The following MOBP variants were observed in gnomAD, a reference collection of about 807,000 sequenced individuals.
MOBP encodes the protein myelin associated oligodendrocyte basic protein.
MOBP carries 5 observed loss-of-function variants against 15.0 expected under a neutral mutation model. That is an observed-to-expected ratio of 0.33 (90% confidence interval 0.17 to 0.70). The LOEUF (loss-of-function observed/expected upper bound fraction) is 0.70. Ranked by LOEUF, MOBP falls within the 30% of genes least tolerant of loss-of-function variation. The pLI is 0.67. For synonymous variants in MOBP, 88 were observed against 99.0 expected (o/e 0.89, Z 0.66); for missense variants, 188 against 257.8 (o/e 0.73, Z 1.85).
At chr3:39,470,311 C>T (rs181715464) in intron 1 of MOBP, among the ~76,000 whole-genome samples, 237 of 152,358 alleles carry the variant, frequency 1.6e-3, no homozygotes, top group Non-Finnish European at 2.2e-3. Flanking sequence ...CTGTTAAAAA[C>T]TGTCCCCTTA....
At chr3:39,468,912 AGT>A (rs771927758) in intron 1 of MOBP, among the ~76,000 whole-genome samples, 3 of 78,082 alleles carry the variant, frequency 3.8e-5, no homozygotes, top group East Asian at 3.4e-4. Context: ...TATACATATG[AGT>A]GTGTATATAT....
chr3:39,513,619 A>T, exon 5 of MOBP: 4 of 610,320 alleles, frequency 6.6e-6, no homozygotes. Flanking sequence ...GAGCAGGGCT[A>T]TCTCTGTGTG....
At chr3:39,472,494 T>C (rs1325879743) in intron 1 of MOBP, among the ~76,000 whole-genome samples, 1 of 152,238 alleles carries the variant, frequency 6.6e-6, no homozygotes, top group African/African-American at 2.4e-5. Context: ...CTATTATGAC[T>C]GTTTCATCTG....
chr3:39,525,856 C>T (rs1004556933), downstream of MOBP: 1 of 152,342 alleles, frequency 6.6e-6, no homozygotes, highest in African/African-American at 2.4e-5. Flanking sequence ...CCATGGGTCT[C>T]TGTAGAAATT....
In MOBP at chr3:39,469,154, ATGTGTGTGTGTATACATATATACATG is replaced by A. The variant is rs1559412206; in HGVS notation, c.-89+1429_-89+1454del. 2.4e-3 allele frequency among the ~76,000 whole-genome samples: 204 copies of A among 86,712 alleles called. 36 individuals carry two copies. Among genetic ancestry groups the A allele is most frequent in the South Asian group, 6.2e-3 (17 of 2,756 alleles). The allele number at this position is 86,712 out of a possible 152,430, so 56.9% of individuals were successfully genotyped here. On this transcript the variant is annotated intron_variant, in intron 1 of 3. Coordinates refer to ENST00000684792, the MANE Select transcript of MOBP (RefSeq NM_001393704.1). ...TGTGTGTGTATATACATATATACAT[ATGTGTGTGTGTATACATATATACATG>A]TGTGTGTGTGTATATACATATATAC...
chr3:39,499,886 C>CCT (rs2042944631), intron 2 of MOBP: 1 of 393,822 alleles, frequency 2.5e-6, no homozygotes, highest in Admixed American at 2.7e-5. Context: ...ATTCCCAAGC[C>CCT]CTCATCTTTG....
At chr3:39,496,045 T>C (rs941336531) in intron 2 of MOBP, among the ~76,000 whole-genome samples, 8 of 151,992 alleles carry the variant, frequency 5.3e-5, no homozygotes, top group African/African-American at 9.7e-5. Flanking sequence ...TTCAATAATA[T>C]AAATTTGAAA....
intron 2 of MOBP, among the ~76,000 whole-genome samples, chr3:39,482,175 C>T (rs2042638141): frequency 6.6e-6 from 1 of 152,144 alleles, no homozygotes; most frequent in South Asian, 2.1e-4. Context: ...GCTCAAACGA[C>T]ACACCTTGGA....
At chr3:39,500,239 G>A (rs988323044) in intron 2 of MOBP, among the ~76,000 whole-genome samples, 10 of 152,188 alleles carry the variant, frequency 6.6e-5, no homozygotes, top group African/African-American at 2.4e-4. Context: ...CTTGAGGACT[G>A]GACTCAGCAT....
At chr3:39,500,084 C>T (rs2042948235) in intron 2 of MOBP, 1 of 456,182 alleles carries the variant, frequency 2.2e-6, no homozygotes, top group Non-Finnish European at 4.4e-6. Context: ...TCATTGTGAG[C>T]AGGATGTTTA....
chr3:39,513,941 C>T (rs1172205015), exon 5 of MOBP: 3 of 153,734 alleles, frequency 2.0e-5, no homozygotes, highest in Admixed American at 6.5e-5. Context: ...TGTGCCAGCC[C>T]ATAGTCAGAG....
downstream of MOBP, among the ~76,000 whole-genome samples, chr3:39,506,823 T>C (rs1363064377): frequency 6.6e-6 from 1 of 152,222 alleles, no homozygotes; most frequent in Non-Finnish European, 1.5e-5. Context: ...TAGTGTTTGC[T>C]CTAATGGTTA....
intron 2 of MOBP, among the ~76,000 whole-genome samples, chr3:39,489,688 C>CCCT (rs1037100364): frequency 4.0e-5 from 6 of 151,236 alleles, no homozygotes; most frequent in South Asian, 2.1e-4. Flanking sequence ...TGTATTGTTC[C>CCCT]CCGCCCAGCT....
At chr3:39,494,092 C>T (rs1405968456) in intron 2 of MOBP, among the ~76,000 whole-genome samples, 1 of 152,166 alleles carries the variant, frequency 6.6e-6, no homozygotes, top group African/African-American at 2.4e-5. Context: ...ATAGCACTGC[C>T]AAACAAAATC....
chr3:39,508,124 C>T (rs1306961143), intron 4 of MOBP, among the ~76,000 whole-genome samples: 1 of 152,184 alleles, frequency 6.6e-6, no homozygotes, highest in Non-Finnish European at 1.5e-5. Flanking sequence ...TATCCTATCA[C>T]TAAGCAGTTT....
intron 1 of MOBP, among the ~76,000 whole-genome samples, chr3:39,478,157 G>A (rs2042568535): frequency 6.6e-6 from 1 of 152,148 alleles, no homozygotes; most frequent in African/African-American, 2.4e-5. Context: ...TTCACCCAGA[G>A]CAACTTTTGG....
intron 2 of MOBP, among the ~76,000 whole-genome samples, chr3:39,488,890 A>T (rs1468750175): frequency 6.6e-6 from 1 of 152,104 alleles, no homozygotes; most frequent in Non-Finnish European, 1.5e-5. Flanking sequence ...CTTACTTCTA[A>T]TCTATGTTGC....
intron 2 of MOBP, chr3:39,499,909 G>A (rs2042945032): frequency 2.4e-6 from 1 of 409,542 alleles, no homozygotes; most frequent in Non-Finnish European, 4.9e-6. Flanking sequence ...CAGATGAAAT[G>A]CCTCTGCCCA....
downstream of MOBP, among the ~76,000 whole-genome samples, chr3:39,504,501 C>CTTG (rs1559425277): frequency 1.3e-5 from 2 of 149,728 alleles, no homozygotes; most frequent in Non-Finnish European, 3.0e-5. Flanking sequence ...CTTTGACTCC[C>CTTG]TCAGTTAACT....
Sources: gnomAD v4.1 joint callset for allele counts (sites outside exome capture counted in the v4.1 genomes callset) on GRCh38, gnomAD v4.1.1 for gene constraint, MANE v1.5 for transcripts, NCBI Gene and HGNC (gene_info 2026-07-23, HGNC 2026-07-21) for gene names.